Variants in THAP6 observed in about 807,000 individuals in gnomAD.
The protein encoded by THAP6 is THAP domain-containing protein 6.
THAP6 carries 13 observed loss-of-function variants against 20.0 expected under a neutral mutation model. The observed-to-expected ratio is 0.65, with a 90% CI of 0.42 to 1.03. The LOEUF (loss-of-function observed/expected upper bound fraction) is 1.03, where lower values mean the gene tolerates loss of function less well. Among genes scored for constraint, THAP6 ranks in the 50% least tolerant of loss-of-function variants. The pLI is 0.00. For synonymous variants in THAP6, 93 were observed against 92.2 expected (o/e 1.01, Z -0.05); for missense variants, 262 against 261.6 (o/e 1.00, Z -0.01).
At chr4:75,514,372 C>T (rs1012142863), upstream of THAP6, 59 of 1,432,442 alleles carry the variant, frequency 4.1e-5, no homozygotes, top group Non-Finnish European at 5.6e-5. Context: ...TAGCACACCC[C>T]TCCCAGCCCC....
intron 3 of THAP6, among the ~76,000 whole-genome samples, chr4:75,521,366 C>T (rs772595155): frequency 9.2e-5 from 14 of 151,920 alleles, no homozygotes; most frequent in Non-Finnish European, 1.5e-4. Flanking sequence ...TGGTTTGTCG[C>T]CTTACTCTAC....
chr4:75,530,597 G>C (rs1045054192), downstream of THAP6, among the ~76,000 whole-genome samples: 1 of 152,098 alleles, frequency 6.6e-6, no homozygotes, highest in Admixed American at 6.5e-5. Context: ...ATGTCTGTCT[G>C]GTCTAGACTT....
intron 2 of THAP6, among the ~76,000 whole-genome samples, chr4:75,537,721 G>C (rs1726903143): frequency 6.6e-6 from 1 of 152,196 alleles, no homozygotes; most frequent in African/African-American, 2.4e-5. Context: ...AATATGGAAA[G>C]ATTATCCTGG....
In THAP6 at chr4:75,528,171, T is replaced by C. The variant is rs1227828123; in HGVS notation, c.*957T>C. The C allele has an allele frequency of 7.1e-6, 7 of 985,020 alleles. No homozygotes were observed. The African/African-American group carries it at 1.2e-4, about 17-fold the overall frequency. 61.0% of individuals were successfully genotyped at this position (985,020 alleles called of 1,614,324 possible). ...GAGAGAAAGGATTAGAATATTTTAA[T>C]TAGGGGAGTAGATTATTGTCCAAAG... is the stretch of plus-strand genomic sequence containing the variant. On this transcript the variant is annotated 3_prime_UTR_variant, in exon 5 of 5. Coordinates refer to ENST00000311638, the MANE Select transcript of THAP6 (RefSeq NM_144721.6).
Position 75,514,524 on chromosome 4 carries a change from A to G in THAP6, c.-21+4A>G, listed in dbSNP as rs558868958. The stretch of plus-strand genomic sequence containing the variant: ...GTCGCAGTCTTCGCTGCTAACGGTA[A>G]TAACTCTTAGGTTGCCTGTTTTCCC... On this transcript the variant is annotated splice_donor_region_variant and intron_variant, in intron 1 of 4. Transcript: ENST00000311638. 14 of 499,150 alleles carry G rather than the reference A, an allele frequency of 2.8e-5. No homozygotes were observed. Among genetic ancestry groups the G allele is most frequent in the Non-Finnish European group, 4.0e-5 (11 of 274,192 alleles). The allele number at this position is 499,150 out of a possible 1,614,324, so 30.9% of individuals were successfully genotyped here.
In THAP6 at chr4:75,519,325, CT is replaced by C. The variant is rs35497751; in HGVS notation, c.288+2360del. 9.6e-3 allele frequency among the ~76,000 whole-genome samples: 1,362 copies of C among 142,128 alleles called. 12 individuals are homozygous for C. Among genetic ancestry groups the C allele is most frequent in the African/African-American group, 0.026 (1,015 of 38,370 alleles). The allele number at this position is 142,128 out of a possible 152,430, so 93.2% of individuals were successfully genotyped here. On this transcript the variant is annotated intron_variant, in intron 3 of 4. Transcript: ENST00000311638. ...CAGCTCTGAACATTTTGGGGCACAT[CT>C]TTTTTTTTTTTTTAATTATGCTTTA...
chr4:75,540,216 A>G (rs967600686), intron 2 of THAP6, among the ~76,000 whole-genome samples: 1 of 152,262 alleles, frequency 6.6e-6, no homozygotes, highest in Non-Finnish European at 1.5e-5. Flanking sequence ...CACTTGGAGC[A>G]GAATGTAGAT....
chr4:75,523,891 G>A (rs937092406), intron 4 of THAP6, among the ~76,000 whole-genome samples: 1 of 151,382 alleles, frequency 6.6e-6, no homozygotes, highest in African/African-American at 2.4e-5. Context: ...TCGTTTCATA[G>A]TTTGAGGTCT....
rs1560548922 is a variant in THAP6, at chr4:75,529,852, A to C, written c.*2638A>C. On this transcript the variant is annotated 3_prime_UTR_variant, in exon 5 of 5. Coordinates refer to ENST00000311638, the MANE Select transcript of THAP6 (RefSeq NM_144721.6). ...ATATCAAGTTTAAATTTCTGGAAAT[A>C]GACTTTGGTTGCTAATGACAATTAC... is the stretch of plus-strand genomic sequence containing the variant. The C allele has an allele frequency of 7.1e-6, 7 of 985,408 alleles. No individual in the cohort carries two copies. The highest frequency in any genetic ancestry group is 8.4e-6 in the Non-Finnish European group (7 of 829,896). The allele number at this position is 985,408 out of a possible 1,614,324, so 61.0% of individuals were successfully genotyped here. A position where few individuals can be genotyped will look rare whatever the true frequency, so the allele number is the denominator to read the frequency against.
chr4:75,539,169 A>T (rs1434519398), intron 2 of THAP6, among the ~76,000 whole-genome samples: 1 of 152,214 alleles, frequency 6.6e-6, no homozygotes, highest in African/African-American at 2.4e-5. Flanking sequence ...GGGTTCTTGA[A>T]TTCAGCCTAA....
At chr4:75,547,096 T>G (rs990054951) in intron 3 of THAP6, among the ~76,000 whole-genome samples, 18 of 152,182 alleles carry the variant, frequency 1.2e-4, no homozygotes, top group Admixed American at 1.2e-3. Context: ...AGTCCTTCCC[T>G]GACGCAGACT....
At position 75,515,317 on chromosome 4, in the gene THAP6, G is replaced by A. The variant is rs916769460; in HGVS notation, c.-20-116G>A. 4 of 892,434 alleles carry A rather than the reference G, an allele frequency of 4.5e-6. No homozygotes were observed. In the East Asian group the frequency reaches 7.7e-5, roughly 17 times the overall value. The allele number at this position is 892,434 out of a possible 1,614,324, so 55.3% of individuals were successfully genotyped here. A position where few individuals can be genotyped will look rare whatever the true frequency, so the allele number is the denominator to read the frequency against. ...AGCAAAGCTGCAGGTGTTAGAAGAA[G>A]ATATTTGTCTTTAGCTTTCTATCCT... is the stretch of plus-strand genomic sequence containing the variant. On this transcript the variant is annotated intron_variant, in intron 1 of 4. Coordinates refer to ENST00000311638, the MANE Select transcript of THAP6 (RefSeq NM_144721.6).
chr4:75,529,477 C>G lies in THAP6; in HGVS notation c.*2263C>G, dbSNP rs1726586524. 1.0e-6 allele frequency: 1 copy of G among 985,408 alleles called. No homozygotes were observed. Among genetic ancestry groups the G allele is most frequent in the Middle Eastern group, 5.2e-4 (1 of 1,914 alleles). The allele number at this position is 985,408 out of a possible 1,614,324, so 61.0% of individuals were successfully genotyped here. On this transcript the variant is annotated 3_prime_UTR_variant, in exon 5 of 5. Coordinates refer to ENST00000311638, the MANE Select transcript of THAP6 (RefSeq NM_144721.6). Reference sequence around the variant, plus strand: ...CAAAATATTGGTATCATTAAGGACCCAGAGCTGCCCATTTTCTCTTTGTTC... The same window carrying G: ...CAAAATATTGGTATCATTAAGGACCGAGAGCTGCCCATTTTCTCTTTGTTC...
At chr4:75,532,241 T>C (rs141691947), downstream of THAP6, among the ~76,000 whole-genome samples, 317 of 152,332 alleles carry the variant, frequency 2.1e-3, 1 homozygote, top group African/African-American at 7.3e-3. Context: ...ACAAAGAGGC[T>C]ACAGGCCCCA....
rs575566058 is a variant in THAP6, at chr4:75,545,008, G to A, written c.243+2522G>A. 2.1e-3 allele frequency among the ~76,000 whole-genome samples: 313 copies of A among 152,308 alleles called. 3 individuals are homozygous for A. Among genetic ancestry groups the A allele is most frequent in the Non-Finnish European group, 3.6e-3 (243 of 68,026 alleles). On this transcript the variant is annotated intron_variant, in intron 3 of 4. Coordinates refer to the THAP6 transcript ENST00000502620. Reference sequence around the variant, plus strand: ...ATGGCTCTGCCACTTCTTAGCCACAGGACAACCTCTCTGTGCCTCGGTTTT... The same window carrying A: ...ATGGCTCTGCCACTTCTTAGCCACAAGACAACCTCTCTGTGCCTCGGTTTT...
chr4:75,526,789 C>T (rs1726400112), intron 4 of THAP6, among the ~76,000 whole-genome samples, 171 bp from the exon 5 acceptor site: 1 of 152,148 alleles, frequency 6.6e-6, no homozygotes, highest in Non-Finnish European at 1.5e-5. Flanking sequence ...GCCCTTAGCA[C>T]CCTAAATATT....
chr4:75,541,116 A>G (rs1328775283), intron 2 of THAP6, among the ~76,000 whole-genome samples: 2 of 152,192 alleles, frequency 1.3e-5, no homozygotes, highest in Non-Finnish European at 2.9e-5. Context: ...TATTAAAACT[A>G]AAAACCATTT....
upstream of THAP6, chr4:75,513,984 G>T (rs1011017227): frequency 2.0e-5 from 12 of 606,612 alleles, no homozygotes; most frequent in South Asian, 2.8e-5. Context: ...TCCCAAGAAG[G>T]GTTTTGCTTT....
At chr4:75,540,278 A>G (rs1726968876) in intron 2 of THAP6, among the ~76,000 whole-genome samples, 1 of 152,222 alleles carries the variant, frequency 6.6e-6, no homozygotes, top group Non-Finnish European at 1.5e-5. Context: ...TTTTTCAGTC[A>G]GAATGTTTTC....
Sources: gnomAD v4.1 joint callset for allele counts (sites outside exome capture counted in the v4.1 genomes callset) on GRCh38, gnomAD v4.1.1 for gene constraint, MANE v1.5 for transcripts, NCBI Gene and HGNC (gene_info 2026-07-23, HGNC 2026-07-21) for gene names.